Variants in SLC35F1 observed in about 807,000 individuals in gnomAD.
SLC35F1 encodes the protein solute carrier family 35 member F1, also known as chromosome 6 open reading frame 169.
A neutral mutation model predicts 48.7 loss-of-function variants in SLC35F1; 14 were observed. The observed-to-expected ratio is 0.29, with a 90% confidence interval of 0.19 to 0.45. The LOEUF is 0.45. SLC35F1 is among the 20% of genes least tolerant of loss of function. SLC35F1 has a pLI of 1.00. For missense variants in SLC35F1, 404 were observed against 500.0 expected, an observed-to-expected ratio of 0.81 and a Z score of 1.83; for synonymous variants, 190 against 202.2, an observed-to-expected ratio of 0.94 and a Z score of 0.51.
intron 1 of SLC35F1, among the ~76,000 whole-genome samples, chr6:118,138,289 A>T (rs1409483659): frequency 1.3e-5 from 2 of 149,724 alleles, no homozygotes; most frequent in Non-Finnish European, 3.0e-5. Flanking sequence ...GCCTTGTATC[A>T]TAGCAAGACT....
chr6:117,943,797 G>A (rs1349871998), intron 1 of SLC35F1, among the ~76,000 whole-genome samples: 1 of 152,172 alleles, frequency 6.6e-6, no homozygotes, highest in Non-Finnish European at 1.5e-5. Flanking sequence ...GGAGCTAGAA[G>A]AGATTCCTAA....
chr6:118,109,559 A>T (rs981180833), intron 1 of SLC35F1, among the ~76,000 whole-genome samples: 1 of 152,202 alleles, frequency 6.6e-6, no homozygotes, highest in Non-Finnish European at 1.5e-5. Flanking sequence ...TGTTATGCTC[A>T]AATTCAGCTT....
At chr6:118,310,186 G>A (rs1776357005) in intron 7 of SLC35F1, among the ~76,000 whole-genome samples, 1 of 152,162 alleles carries the variant, frequency 6.6e-6, no homozygotes, top group Non-Finnish European at 1.5e-5. Context: ...AGTACACTTT[G>A]GACAGCAAGC....
At chr6:117,924,456 ATGTGTGT>A (rs1775994747) in intron 1 of SLC35F1, among the ~76,000 whole-genome samples, 5 of 151,390 alleles carry the variant, frequency 3.3e-5, no homozygotes, top group South Asian at 2.1e-4. Context: ...ACATACCTAT[ATGTGTGT>A]ACATATATAC....
chr6:118,155,042 G>A (rs976355200), intron 2 of SLC35F1, among the ~76,000 whole-genome samples: 2 of 151,802 alleles, frequency 1.3e-5, no homozygotes, highest in Non-Finnish European at 2.9e-5. Context: ...GATACAAATT[G>A]TAAACACAGA....
At chr6:117,933,648 G>A (rs1776129391) in intron 1 of SLC35F1, among the ~76,000 whole-genome samples, 1 of 152,190 alleles carries the variant, frequency 6.6e-6, no homozygotes. Flanking sequence ...AGAGAAAGCT[G>A]CTTTTGTGCT....
At chr6:118,305,848 A>G (rs1256727469) in intron 7 of SLC35F1, among the ~76,000 whole-genome samples, 1 of 152,164 alleles carries the variant, frequency 6.6e-6, no homozygotes, top group Non-Finnish European at 1.5e-5. Context: ...TGCAGCTGGT[A>G]TGTTCTTCCA....
chr6:118,187,295 T>TCTCC (rs1474000205), intron 2 of SLC35F1, among the ~76,000 whole-genome samples: 10 of 152,244 alleles, frequency 6.6e-5, no homozygotes, highest in African/African-American at 2.2e-4. Flanking sequence ...TCTATTTCTT[T>TCTCC]CTCCCTCACC....
chr6:118,200,200 A>G (rs1365157966), intron 2 of SLC35F1, among the ~76,000 whole-genome samples: 1 of 151,318 alleles, frequency 6.6e-6, no homozygotes, highest in African/African-American at 2.4e-5. Context: ...ACATACATAC[A>G]TACATAGCAA....
At chr6:118,070,506 A>G (rs113415916) in intron 1 of SLC35F1, among the ~76,000 whole-genome samples, 2,211 of 152,280 alleles carry the variant, frequency 0.015, 60 homozygotes, top group African/African-American at 0.05. Flanking sequence ...ATACACATAC[A>G]TAACTGAACA....
At chr6:118,111,575 G>C (rs1363514588) in intron 1 of SLC35F1, among the ~76,000 whole-genome samples, 1 of 152,056 alleles carries the variant, frequency 6.6e-6, no homozygotes, top group Non-Finnish European at 1.5e-5. Flanking sequence ...AATAGACCTG[G>C]CTTGCATAAA....
chr6:118,267,748 G>T (rs915257961), intron 4 of SLC35F1, among the ~76,000 whole-genome samples: 8 of 152,152 alleles, frequency 5.3e-5, no homozygotes, highest in Admixed American at 1.3e-4. Flanking sequence ...GCGAGGAGGG[G>T]TTATTGGTAT....
At chr6:118,129,973 T>G (rs1477511784) in intron 1 of SLC35F1, among the ~76,000 whole-genome samples, 1 of 152,226 alleles carries the variant, frequency 6.6e-6, no homozygotes, top group Non-Finnish European at 1.5e-5. Context: ...CTCAGATGTA[T>G]CAACTGTCAG....
rs375391410 is a variant in SLC35F1 at position 117,916,390 on chromosome 6, G to C, written c.173+8491G>C. ...GAATGTTTGAGAAGCACTGGTGCCA[G>C]CCAGATATCCAAGTGGAAGTAAGAG... On this transcript the variant is annotated intron_variant, in intron 1 of 7. Coordinates refer to ENST00000360388, the MANE Select transcript of SLC35F1 (RefSeq NM_001029858.4). Among the ~76,000 whole-genome samples, 570 of 152,274 alleles carry C rather than the reference G, an allele frequency of 3.7e-3. 3 individuals carry two copies. Among genetic ancestry groups the C allele is most frequent in the South Asian group, 0.012 (60 of 4,820 alleles).
chr6:118,196,640 C>CG (rs1390875921), intron 2 of SLC35F1, among the ~76,000 whole-genome samples: 1 of 151,888 alleles, frequency 6.6e-6, no homozygotes, highest in Non-Finnish European at 1.5e-5. Flanking sequence ...CACTTGAACC[C>CG]GGGAGGTAGA....
chr6:118,057,698 T>G (rs1365552467), intron 1 of SLC35F1, among the ~76,000 whole-genome samples: 1 of 152,200 alleles, frequency 6.6e-6, no homozygotes, highest in Non-Finnish European at 1.5e-5. Flanking sequence ...TATCAAAAGA[T>G]TCTGGGAAAA....
At chr6:118,151,086 C>T (rs969306366) in intron 1 of SLC35F1, among the ~76,000 whole-genome samples, 4 of 152,180 alleles carry the variant, frequency 2.6e-5, no homozygotes, top group Non-Finnish European at 5.9e-5. Flanking sequence ...ACTATTCAAT[C>T]CATGAATGTC....
intron 1 of SLC35F1, among the ~76,000 whole-genome samples, chr6:118,070,628 T>C (rs532378723): frequency 6.6e-6 from 1 of 152,036 alleles, no homozygotes; most frequent in East Asian, 1.9e-4. Flanking sequence ...TATTTAACTA[T>C]TGTAGCTGTT....
chr6:117,957,382 G>A (rs1321465186), intron 1 of SLC35F1, among the ~76,000 whole-genome samples: 1 of 152,166 alleles, frequency 6.6e-6, no homozygotes, highest in South Asian at 2.1e-4. Flanking sequence ...GCATCAAAGT[G>A]TAAAACATTG....
Sources: allele counts gnomAD v4.1 joint callset (sites outside exome capture counted in the v4.1 genomes callset), GRCh38; gene constraint gnomAD v4.1.1; transcripts MANE v1.5; gene names NCBI Gene and HGNC (gene_info 2026-07-23, HGNC 2026-07-21).